Variants in RP1 observed in about 807,000 individuals in gnomAD.
RP1 encodes the protein oxygen-regulated protein 1.
Under a neutral mutation model 14.8 loss-of-function variants are expected in RP1, and 16 were observed. That is an observed-to-expected ratio of 1.08 (90% CI 0.73 to 1.65). The LOEUF (loss-of-function observed/expected upper bound fraction) is 1.65. Among genes scored for constraint, RP1 ranks in the 40% most tolerant of loss-of-function variants. The pLI, the probability that RP1 is intolerant of heterozygous loss-of-function variation, is 0.00. For missense variants in RP1, 2,631 were observed against 2,535.0 expected (o/e 1.04, Z -0.81); for synonymous variants, 876 against 883.6 (o/e 0.99, Z 0.15).
chr8:54,625,407 T>G lies in RP1; in HGVS notation c.1525T>G (p.Ser509Ala). 1 of 1,614,034 alleles carries G rather than the reference T, an allele frequency of 6.2e-7. No individual in the cohort carries two copies. Among genetic ancestry groups the G allele is most frequent in the Non-Finnish European group, 8.5e-7 (1 of 1,180,030 alleles). The change falls in exon 4 of 4, where the codon TCA becomes GCA. Residue 509 changes from serine to alanine, a missense_variant. Coordinates refer to ENST00000220676, the MANE Select transcript of RP1 (RefSeq NM_006269.2). ...GTTTACACATTCTTGCAGTAAAATG[T>G]CATCAGTATCTAACAAACCAGTACT... ...HMFTHSCSKM[S>A]SVSNKPVLVQ... is the part of the protein sequence containing the mutation.
intron 25 of RP1, among the ~76,000 whole-genome samples, chr8:54,851,504 T>G (rs1812060741): frequency 6.6e-6 from 1 of 152,186 alleles, no homozygotes; most frequent in Admixed American, 6.5e-5. Flanking sequence ...CATGAAGAAT[T>G]TTAGGAGAAG....
At chr8:54,793,301 T>C (rs1000911562) in intron 24 of RP1, among the ~76,000 whole-genome samples, 4 of 151,798 alleles carry the variant, frequency 2.6e-5, no homozygotes, top group Admixed American at 6.6e-5. Context: ...AAATCTAAAG[T>C]GGAGGGAATA....
chr8:54,867,073 G>A (rs1001848400), intron 28 of RP1, among the ~76,000 whole-genome samples: 9 of 152,146 alleles, frequency 5.9e-5, no homozygotes, highest in Admixed American at 1.3e-4. Context: ...GAGATGTAAC[G>A]CTACATGAAG....
intron 1 of RP1, among the ~76,000 whole-genome samples, chr8:54,590,518 T>C (rs1401002678): frequency 2.0e-5 from 3 of 152,146 alleles, no homozygotes; most frequent in Admixed American, 6.5e-5. Flanking sequence ...CTCAGGACCC[T>C]TTCCTACCTT....
At chr8:54,632,460 G>C (rs1347986482), downstream of RP1, among the ~76,000 whole-genome samples, 5 of 152,204 alleles carry the variant, frequency 3.3e-5, no homozygotes, top group African/African-American at 1.2e-4. Flanking sequence ...GTGTTCACAT[G>C]CATTGAATTC....
chr8:54,854,246 T>C lies in RP1; in HGVS notation c.3990+1518T>C, dbSNP rs143361565. On this transcript the variant is annotated intron_variant, in intron 26 of 28. Coordinates refer to the RP1 transcript ENST00000637698. ...CAAGTGGAGGAATTACAGTACCAGG[T>C]ATCAAGACTTATGAAATTAAGGTAA... Among the ~76,000 whole-genome samples the C allele has an allele frequency of 3.1e-4, 47 of 152,292 alleles. No homozygotes were observed. The East Asian group carries it at 8.9e-3, about 29-fold the overall frequency.
At chr8:54,717,867 G>GTGTTTT (rs1364173148) in intron 15 of RP1, among the ~76,000 whole-genome samples, 3 of 151,994 alleles carry the variant, frequency 2.0e-5, no homozygotes, top group African/African-American at 7.3e-5. Flanking sequence ...AACAATTTCA[G>GTGTTTT]AATCAGTAAG....
Position 54,706,374 on chromosome 8 carries a change from A to G in RP1, c.1999-69A>G, listed in dbSNP as rs1268121974. On this transcript the variant is annotated intron_variant, in intron 14 of 22. Coordinates refer to the RP1 transcript ENST00000636932. ...GCTTCAGTAAGAGAATTGCCTCTATAGTTGTCTCCCTCTAGCAAAACACGA... is the reference window on the plus strand; with the variant it reads ...GCTTCAGTAAGAGAATTGCCTCTATGGTTGTCTCCCTCTAGCAAAACACGA... The G allele has an allele frequency of 4.8e-6, 7 of 1,451,182 alleles. No homozygotes were observed. In the East Asian group the frequency reaches 9.9e-5, roughly 21 times the overall value. The allele number at this position is 1,451,182 out of a possible 1,614,324, so 89.9% of individuals were successfully genotyped here.
chr8:54,612,070 C>T (rs914865726), upstream of RP1, among the ~76,000 whole-genome samples: 5 of 152,104 alleles, frequency 3.3e-5, no homozygotes, highest in East Asian at 3.9e-4. Flanking sequence ...CGGTATAATG[C>T]GGTTGCTTTT....
At chr8:54,816,404 A>G (rs888422428) in intron 24 of RP1, among the ~76,000 whole-genome samples, 1 of 152,240 alleles carries the variant, frequency 6.6e-6, no homozygotes, top group Admixed American at 6.5e-5. Flanking sequence ...TCAAATAGAT[A>G]TAAGAGCAAG....
chr8:54,775,027 T>G (rs182833638), intron 23 of RP1, among the ~76,000 whole-genome samples: 230 of 152,058 alleles, frequency 1.5e-3, no homozygotes, highest in Non-Finnish European at 1.2e-3. Flanking sequence ...TTTCCTGGGT[T>G]CTACTCACCC....
intron 24 of RP1, among the ~76,000 whole-genome samples, chr8:54,800,044 C>T (rs1401175556): frequency 1.5e-4 from 20 of 137,912 alleles, no homozygotes; most frequent in Admixed American, 1.4e-3. Context: ...AATACATTTC[C>T]TCAGTTTCTG....
chr8:54,805,098 C>T (rs1427573382), intron 24 of RP1, among the ~76,000 whole-genome samples: 1 of 152,170 alleles, frequency 6.6e-6, no homozygotes, highest in African/African-American at 2.4e-5. Context: ...ACAACACTGG[C>T]AGTGCCTGAA....
chr8:54,706,299 T>A, intron 14 of RP1: 1 of 742,686 alleles, frequency 1.3e-6, no homozygotes, highest in Non-Finnish European at 2.1e-6. Context: ...GCAGTGACAT[T>A]GTTTACTTCT....
chr8:54,747,364 A>G (rs1226888051), intron 19 of RP1, among the ~76,000 whole-genome samples: 1 of 152,110 alleles, frequency 6.6e-6, no homozygotes, highest in Non-Finnish European at 1.5e-5. Flanking sequence ...GGGAGCCCAC[A>G]TTTGCTCTTG....
chr8:54,846,087 G>T (rs1322359291), intron 25 of RP1, among the ~76,000 whole-genome samples: 1 of 152,164 alleles, frequency 6.6e-6, no homozygotes, highest in Non-Finnish European at 1.5e-5. Flanking sequence ...TGTGTAATCA[G>T]AAATGGGCCA....
intron 24 of RP1, among the ~76,000 whole-genome samples, chr8:54,785,051 A>C (rs955410656): frequency 6.6e-6 from 1 of 152,122 alleles, no homozygotes; most frequent in Non-Finnish European, 1.5e-5. Flanking sequence ...ACATTTACCC[A>C]TTTAAAGTGT....
chr8:54,743,175 C>T (rs949468864), intron 19 of RP1, among the ~76,000 whole-genome samples: 1 of 152,186 alleles, frequency 6.6e-6, no homozygotes, highest in African/African-American at 2.4e-5. Context: ...AAATTTCACT[C>T]AGATTCCCAG....
chr8:54,597,804 G>T (rs145497949), intron 1 of RP1, among the ~76,000 whole-genome samples: 1 of 152,108 alleles, frequency 6.6e-6, no homozygotes, highest in African/African-American at 2.4e-5. Context: ...AAGCCTAGAA[G>T]ATAGATTAGT....
Sources: allele counts gnomAD v4.1 joint callset (sites outside exome capture counted in the v4.1 genomes callset), GRCh38; gene constraint gnomAD v4.1.1; transcripts MANE v1.5; gene names NCBI Gene and HGNC (gene_info 2026-07-23, HGNC 2026-07-21).